APC: variants seen among roughly 807,000 people sequenced by gnomAD.
The protein encoded by APC is APC regulator of Wnt signaling pathway, also known as adenomatous polyposis coli protein.
Under a neutral mutation model 247.0 loss-of-function variants are expected in APC, and 72 were observed. The ratio of observed to expected loss-of-function variants is 0.29; its 90% CI spans 0.24 to 0.35. APC has a LOEUF of 0.35. Among genes scored for constraint, APC ranks in the 10% least tolerant of loss-of-function variants. The probability of loss-of-function intolerance (pLI) is 1.00; values close to 1 mark genes in which losing one functional copy is unlikely to be tolerated. For missense variants in APC, 3,400 were observed against 3,360.7 expected (o/e 1.01, Z -0.29); for synonymous variants, 1,254 against 1,162.5 (o/e 1.08, Z -1.60).
At position 112,707,717 on chromosome 5, in the gene APC, T is replaced by A. The variant is rs1750600817; in HGVS notation, c.-1T>A. On this transcript the variant is annotated 5_prime_UTR_variant, in exon 1 of 14. Coordinates refer to the APC transcript ENST00000507379. The stretch of plus-strand genomic sequence containing the variant: ...TGCCTTCTCGGGCCTCGGCGCCCCC[T>A]ATGTACGCCTCCCTGGGCTCGGGTC... 1 of 1,370,600 alleles carries A rather than the reference T, an allele frequency of 7.3e-7. No homozygotes were observed. Among genetic ancestry groups the A allele is most frequent in the Non-Finnish European group, 9.6e-7 (1 of 1,038,778 alleles). The allele number at this position is 1,370,600 out of a possible 1,614,324, so 84.9% of individuals were successfully genotyped here.
chr5:112,810,294 C>T (rs1489619034), intron 8 of APC: 10 of 333,144 alleles, frequency 3.0e-5, no homozygotes, highest in South Asian at 1.5e-4. Context: ...CAAAAGGTGG[C>T]GATGGATATA....
intron 11 of APC, among the ~76,000 whole-genome samples, chr5:112,826,726 T>C (rs918834136): frequency 1.1e-4 from 16 of 151,738 alleles, no homozygotes; most frequent in African/African-American, 3.9e-4. Context: ...ATAAAGAGTG[T>C]TTATAAAGCC....
chr5:112,761,654 A>G (rs755229494), intron 2 of APC, among the ~76,000 whole-genome samples: 151 of 152,214 alleles, frequency 9.9e-4, no homozygotes, highest in Non-Finnish European at 3.2e-4. Context: ...AGAAGAAAAC[A>G]TAGGTAATAG....
chr5:112,707,942 G>A (rs2149631886), intron 1 of APC: 1 of 1,310,220 alleles, frequency 7.6e-7, no homozygotes, highest in Non-Finnish European at 9.9e-7. Flanking sequence ...GCTTTGCCCC[G>A]CCGCTGCTCG....
Position 112,841,410 on chromosome 5 carries a change from A to T in APC, c.5816A>T (p.Asp1939Val), listed in dbSNP as rs754783550. ...TCCACTTTTCCCCAGTCATCCAAAG[A>T]CATACCAGACAGAGGGGCAGCAACT... is the stretch of plus-strand genomic sequence containing the variant. ...KQSTFPQSSKDIPDRGAATDE... is the reference protein window; with the variant it reads ...KQSTFPQSSKVIPDRGAATDE... The change falls in exon 16 of 16, where the codon GAC (aspartate) becomes GTC (valine). Residue 1939 changes from aspartate (D) to valine (V), a missense_variant. Asp to Val is a radical substitution (Grantham distance 152, BLOSUM62 -3). Coordinates refer to ENST00000257430, the MANE Select transcript of APC (RefSeq NM_000038.6). This position sits in a 1 kb window ranked among gnomAD's most constrained non-coding sequence, Gnocchi z 4.6. 4.3e-6 allele frequency: 7 copies of T among 1,613,876 alleles called. No individual in the cohort carries two copies. The Admixed American group carries it at 5.0e-5, about 12-fold the overall frequency.
intron 7 of APC, among the ~76,000 whole-genome samples, chr5:112,797,260 T>G (rs1760308593): frequency 6.6e-6 from 1 of 151,024 alleles, no homozygotes; most frequent in African/African-American, 2.4e-5. Flanking sequence ...CAAAACCACT[T>G]TTTACAATTT....
intron 1 of APC, among the ~76,000 whole-genome samples, chr5:112,747,301 G>C (rs529049251): frequency 6.6e-6 from 1 of 152,108 alleles, no homozygotes; most frequent in Non-Finnish European, 1.5e-5. Context: ...GATATAGTAA[G>C]ACTTAGTATG....
In APC at chr5:112,842,024, C is replaced by T. The variant is rs1226263568; in HGVS notation, c.6430C>T (p.Leu2144=). ...SILSLKSGIS[L]GSPFHLTPDQ... is the part of the protein sequence containing the mutation. ...CCTTTCCCTGAAATCAGGAATCTCT[C>T]TGGGATCACCATTTCATCTTACACC... Residue 2144 remains leucine (L), a synonymous_variant, in exon 16 of 16, where the codon CTG becomes TTG. Coordinates refer to ENST00000257430, the MANE Select transcript of APC (RefSeq NM_000038.6). 2 of 1,613,434 alleles carry T rather than the reference C, an allele frequency of 1.2e-6. No individual in the cohort carries two copies. The highest frequency in any genetic ancestry group is 1.1e-5 in the South Asian group (1 of 91,064).
At chr5:112,714,623 T>TTC (rs1193586662) in intron 1 of APC, among the ~76,000 whole-genome samples, 1 of 152,236 alleles carries the variant, frequency 6.6e-6, no homozygotes, top group Non-Finnish European at 1.5e-5. Context: ...ACTTTCAGAC[T>TTC]TCATATCCTC....
At chr5:112,827,065 A>C in intron 11 of APC, 43 bp from the exon 12 acceptor site, 1 of 1,608,280 alleles carries the variant, frequency 6.2e-7, no homozygotes, top group Middle Eastern at 1.7e-4. Context: ...AGTTTGTTTT[A>C]TTTTAGATGA....
At chr5:112,789,045 G>C (rs1218976958) in intron 6 of APC, among the ~76,000 whole-genome samples, 1 of 152,160 alleles carries the variant, frequency 6.6e-6, no homozygotes, top group African/African-American at 2.4e-5. Flanking sequence ...ACACAGTTAA[G>C]TGTACCCTTT....
chr5:112,743,258 G>A (rs1753251459), intron 1 of APC, among the ~76,000 whole-genome samples: 1 of 151,998 alleles, frequency 6.6e-6, no homozygotes. Context: ...TGATTACATT[G>A]GGTCCACCCA....
At position 112,837,984 on chromosome 5, in the gene APC, G is replaced by A. The variant is rs2149868129; in HGVS notation, c.2390G>A (p.Gly797Asp). 1 of 1,614,038 alleles carries A rather than the reference G, an allele frequency of 6.2e-7. No individual in the cohort carries two copies. Among genetic ancestry groups the A allele is most frequent in the Non-Finnish European group, 8.5e-7 (1 of 1,180,024 alleles). Residue 797 changes from glycine to aspartate, a missense_variant, in exon 16 of 16, where the codon GGT becomes GAT. Gly to Asp is a moderately conservative substitution (Grantham distance 94, BLOSUM62 -1). Around this residue, in one of 9 missense-constraint regions of APC, gnomAD observed 91 missense variants for 103.3 expected, o/e 0.88. Transcript: ENST00000257430. ...CAGAGACACAAGCAAAGTCTCTATG[G>A]TGATTATGTTTTTGACACCAATCGA... ...SKQRHKQSLY[G>D]DYVFDTNRHD...
At chr5:112,809,011 G>A (rs1033357261) in intron 8 of APC, among the ~76,000 whole-genome samples, 3 of 152,030 alleles carry the variant, frequency 2.0e-5, no homozygotes, top group Non-Finnish European at 4.4e-5. Flanking sequence ...GTCTAGTTTT[G>A]GAAAAATGTT....
chr5:112,731,558 A>G (rs1457795555), intron 1 of APC, among the ~76,000 whole-genome samples: 1 of 152,094 alleles, frequency 6.6e-6, no homozygotes, highest in Non-Finnish European at 1.5e-5. Context: ...AGCTCCCAAC[A>G]CTGTTGCATT....
At chr5:112,778,043 A>G (rs1295011675) in intron 5 of APC, 2 of 205,492 alleles carry the variant, frequency 9.7e-6, no homozygotes, top group Non-Finnish European at 2.1e-5. Context: ...CCTTCCGCTT[A>G]AGGAAATATC....
chr5:112,750,213 T>G (rs1306019352), intron 1 of APC, among the ~76,000 whole-genome samples: 1 of 152,152 alleles, frequency 6.6e-6, no homozygotes, highest in South Asian at 2.1e-4. Flanking sequence ...TCCGCCCGCT[T>G]CAGCCTCCCA....
rs72541810 is a variant in APC, at chr5:112,838,600, C to T, written c.3006C>T (p.Ala1002=). The part of the protein sequence containing the change: ...SKFCSYGQYP[A]DLAHKIHSAN... The stretch of plus-strand genomic sequence containing the variant: ...TTTGCAGTTATGGTCAATACCCAGC[C>T]GACCTAGCCCATAAAATACATAGTG... The change falls in exon 16 of 16, where the codon GCC becomes GCT. Residue 1002 remains alanine, a synonymous_variant. Transcript: ENST00000257430. The T allele has an allele frequency of 2.7e-4, 443 of 1,613,912 alleles. 1 individual carries two copies. The highest frequency in any genetic ancestry group is 3.6e-4 in the Non-Finnish European group (425 of 1,180,018).
intron 4 of APC, among the ~76,000 whole-genome samples, chr5:112,774,429 A>ACTCAACC (rs901185641): frequency 1.3e-5 from 2 of 150,564 alleles, no homozygotes; most frequent in East Asian, 3.9e-4. Flanking sequence ...AATAAGGGAT[A>ACTCAACC]CTCAACCTGT....
Sources: allele counts gnomAD v4.1 joint callset (sites outside exome capture counted in the v4.1 genomes callset), GRCh38; gene constraint gnomAD v4.1.1; regional missense constraint gnomAD v4.1.1; non-coding constraint Gnocchi (gnomAD v3.1); transcripts MANE v1.5; gene names NCBI Gene and HGNC (gene_info 2026-07-23, HGNC 2026-07-21).